The following PTP4A1 variants were observed in gnomAD, a reference collection of about 807,000 sequenced individuals.
PTP4A1 encodes protein tyrosine phosphatase 4A1.
A neutral mutation model predicts 20.5 loss-of-function variants in PTP4A1; 9 were observed. The ratio of observed to expected loss-of-function variants is 0.44; its 90% CI spans 0.26 to 0.77. The LOEUF (loss-of-function observed/expected upper bound fraction) is 0.77, where lower values mean the gene tolerates loss of function less well. Ranked by LOEUF, PTP4A1 falls within the 30% of genes least tolerant of loss-of-function variation. PTP4A1 has a pLI of 0.19. For synonymous variants in PTP4A1, 78 were observed against 67.4 expected (o/e 1.16, Z -0.77); for missense variants, 137 against 218.8 (o/e 0.63, Z 2.36).
intron 3 of PTP4A1, among the ~76,000 whole-genome samples, chr6:63,555,403 G>A (rs2622309): frequency 0.012 from 1,778 of 152,300 alleles, 29 homozygotes; most frequent in African/African-American, 0.04. Context: ...GAAAATCCTT[G>A]AAATTGCTGA....
At chr6:63,539,002 C>T (rs1483514677) in intron 2 of PTP4A1, among the ~76,000 whole-genome samples, 1 of 152,188 alleles carries the variant, frequency 6.6e-6, no homozygotes, top group Non-Finnish European at 1.5e-5. Context: ...AAGCAATTCT[C>T]CTGCCTCAGC....
At chr6:63,569,919 C>T (rs1777347855), upstream of PTP4A1, among the ~76,000 whole-genome samples, 1 of 152,190 alleles carries the variant, frequency 6.6e-6, no homozygotes, top group East Asian at 1.9e-4. Flanking sequence ...AGTCTCCTGA[C>T]CAATGCTGGG....
chr6:63,517,300 G>A (rs908840048), upstream of PTP4A1, among the ~76,000 whole-genome samples: 7 of 152,134 alleles, frequency 4.6e-5, no homozygotes, highest in African/African-American at 1.7e-4. Context: ...AATTTTTGAT[G>A]TATTAGAATA....
At position 63,580,241 on chromosome 6, in the gene PTP4A1, C is replaced by G; in HGVS notation, c.*67C>G. 2.4e-6 allele frequency: 3 copies of G among 1,260,798 alleles called. No individual in the cohort carries two copies. Among genetic ancestry groups the G allele is most frequent in the Non-Finnish European group, 3.5e-6 (3 of 866,620 alleles). 78.1% of individuals were successfully genotyped at this position (1,260,798 alleles called of 1,614,324 possible). ...GGGCCTAATTTGTTATACATATTAG[C>G]CAACATGTTGGCTTAGTAAGTCTAA... On this transcript the variant is annotated 3_prime_UTR_variant, in exon 6 of 6. Coordinates refer to ENST00000626021, the MANE Select transcript of PTP4A1 (RefSeq NM_003463.5).
Position 63,576,775 on chromosome 6 carries a change from T to G in PTP4A1, c.-106T>G. The G allele has an allele frequency of 1.2e-6, 1 of 838,790 alleles. No individual in the cohort carries two copies. Among genetic ancestry groups the G allele is most frequent in the African/African-American group, 1.7e-5 (1 of 57,816 alleles). The allele number at this position is 838,790 out of a possible 1,614,324, so 52.0% of individuals were successfully genotyped here. On this transcript the variant is annotated 5_prime_UTR_variant, in exon 2 of 6. Transcript: ENST00000626021. ...CTTCATACTCAAAGCACTGAGAATT[T>G]CAAGTGGAGTATATTGAAGTAGACT...
intron 3 of PTP4A1, among the ~76,000 whole-genome samples, chr6:63,562,158 C>A (rs925295286): frequency 4.0e-5 from 6 of 151,040 alleles, no homozygotes; most frequent in Non-Finnish European, 5.9e-5. Flanking sequence ...TTTAACATTA[C>A]AATTATTTAT....
intron 3 of PTP4A1, among the ~76,000 whole-genome samples, chr6:63,565,226 G>T (rs1777138827): frequency 6.6e-6 from 1 of 151,912 alleles, no homozygotes; most frequent in South Asian, 2.1e-4. Context: ...TGCCCAGGCG[G>T]TATCTGTCAC....
At chr6:63,530,057 C>T (rs1011077429) in intron 2 of PTP4A1, among the ~76,000 whole-genome samples, 2 of 151,832 alleles carry the variant, frequency 1.3e-5, no homozygotes, top group Admixed American at 6.6e-5. Flanking sequence ...AACTGTTTCT[C>T]GAGATAGGGC....
chr6:63,572,730 GTCGCA>G lies in PTP4A1; in HGVS notation c.-446+15_-446+19del, dbSNP rs1472938306. The G allele has an allele frequency of 2.0e-5, 8 of 398,338 alleles. No homozygotes were observed. The highest frequency in any genetic ancestry group is 4.4e-5 in the Admixed American group (1 of 22,676). The allele number at this position is 398,338 out of a possible 1,614,324, so 24.7% of individuals were successfully genotyped here. A position where few individuals can be genotyped will look rare whatever the true frequency, so the allele number is the denominator to read the frequency against. On this transcript the variant is annotated intron_variant, in intron 1 of 5. Coordinates refer to ENST00000626021, the MANE Select transcript of PTP4A1 (RefSeq NM_003463.5). ...AGTAAACATATTCCTGTGAGTAGCCGTCGCATCGTCGCCTCTCGGGCTGGGAATCC... is the reference window on the plus strand; with the variant it reads ...AGTAAACATATTCCTGTGAGTAGCCGTCGTCGCCTCTCGGGCTGGGAATCC...
At chr6:63,550,297 C>G (rs1158858678) in intron 2 of PTP4A1, 1 of 152,130 alleles carries the variant, frequency 6.6e-6, no homozygotes, top group African/African-American at 2.4e-5. Flanking sequence ...TGTAATCAAC[C>G]AGGGCAGTGT....
intron 2 of PTP4A1, among the ~76,000 whole-genome samples, chr6:63,542,710 A>G (rs902765980): frequency 6.6e-6 from 1 of 152,020 alleles, no homozygotes; most frequent in Non-Finnish European, 1.5e-5. Context: ...TCCTTCACCG[A>G]CTGCTTTTTT....
chr6:63,541,352 AG>A (rs1775962547), intron 2 of PTP4A1, among the ~76,000 whole-genome samples: 1 of 152,090 alleles, frequency 6.6e-6, no homozygotes, highest in South Asian at 2.1e-4. Flanking sequence ...CAGGAGTTCA[AG>A]AGCAGCCTGG....
intron 1 of PTP4A1, among the ~76,000 whole-genome samples, chr6:63,576,025 TA>T (rs1777840222): frequency 6.6e-6 from 1 of 151,502 alleles, no homozygotes; most frequent in Non-Finnish European, 1.5e-5. Context: ...ACATAAAGTG[TA>T]TGTAATTACA....
At chr6:63,578,839 A>G (rs1304353336) in intron 3 of PTP4A1, 59 bp from the exon 4 acceptor site, 3 of 1,369,186 alleles carry the variant, frequency 2.2e-6, no homozygotes, top group Admixed American at 2.7e-5. Context: ...GAAATTTAGA[A>G]TTATTACTAC....
At chr6:63,572,882 G>A (rs1021743439) in intron 1 of PTP4A1, among the ~76,000 whole-genome samples, 163 bp downstream of exon 1, 12 of 152,148 alleles carry the variant, frequency 7.9e-5, no homozygotes, top group African/African-American at 2.9e-4. Context: ...CCCTGTGGCC[G>A]GCCGATTGCG....
At chr6:63,579,454 A>T in intron 5 of PTP4A1, 123 bp downstream of exon 5, 1 of 632,006 alleles carries the variant, frequency 1.6e-6, no homozygotes, top group Non-Finnish European at 2.5e-6. Context: ...TATTAAAACC[A>T]GGAAATCAAG....
intron 3 of PTP4A1, among the ~76,000 whole-genome samples, chr6:63,550,695 G>A (rs368397651): frequency 6.6e-6 from 1 of 152,194 alleles, no homozygotes; most frequent in African/African-American, 2.4e-5. Context: ...CATGATCTCA[G>A]CTCACTGCAG....
chr6:63,561,448 G>C (rs1345021105), intron 3 of PTP4A1, among the ~76,000 whole-genome samples: 4 of 152,160 alleles, frequency 2.6e-5, no homozygotes, highest in African/African-American at 9.6e-5. Context: ...CTCTTCCCTA[G>C]ACAGTGCCTG....
At chr6:63,549,589 T>C in intron 2 of PTP4A1, 2 of 600,304 alleles carry the variant, frequency 3.3e-6, no homozygotes, top group African/African-American at 1.9e-5. Flanking sequence ...AAGAAAACCT[T>C]TATGTGATAT....
Sources: gnomAD v4.1 joint callset for allele counts (sites outside exome capture counted in the v4.1 genomes callset) on GRCh38, gnomAD v4.1.1 for gene constraint, MANE v1.5 for transcripts, NCBI Gene and HGNC (gene_info 2026-07-23, HGNC 2026-07-21) for gene names.